NRG1: variants seen among roughly 807,000 people sequenced by gnomAD.
NRG1 encodes neuregulin 1.
Under a neutral mutation model 63.8 loss-of-function variants are expected in NRG1, and 18 were observed. The ratio of observed to expected loss-of-function variants is 0.28; its 90% confidence interval spans 0.19 to 0.42. The LOEUF (loss-of-function observed/expected upper bound fraction) is 0.42. NRG1 is among the 10% of genes least tolerant of loss of function. NRG1 has a pLI of 1.00. For missense variants in NRG1, 762 were observed against 814.7 expected, an observed-to-expected ratio of 0.94 and a Z score of 0.79; for synonymous variants, 302 against 301.3, an observed-to-expected ratio of 1.00 and a Z score of -0.02.
chr8:32,034,761 G>T (rs542035977), intron 1 of NRG1, among the ~76,000 whole-genome samples: 1 of 152,152 alleles, frequency 6.6e-6, no homozygotes, highest in African/African-American at 2.4e-5. Context: ...ATCCTCTGAT[G>T]GTTGTTTGTA....
intron 1 of NRG1, among the ~76,000 whole-genome samples, chr8:32,510,953 T>TC (rs1284748149): frequency 7.5e-6 from 1 of 133,498 alleles, no homozygotes; most frequent in African/African-American, 2.6e-5. Context: ...TTTCTTTCTT[T>TC]CCTTTTTTTT....
chr8:32,622,889 T>C (rs1021790951), intron 5 of NRG1, among the ~76,000 whole-genome samples: 8 of 152,204 alleles, frequency 5.3e-5, no homozygotes, highest in African/African-American at 1.9e-4. Flanking sequence ...AGTCTCTACA[T>C]CTTACTTCAA....
At chr8:32,733,383 A>C (rs1329668202) in intron 6 of NRG1, among the ~76,000 whole-genome samples, 1 of 152,214 alleles carries the variant, frequency 6.6e-6, no homozygotes, top group African/African-American at 2.4e-5. Flanking sequence ...AGGTATGAAA[A>C]ACATAACTAT....
chr8:32,429,749 T>C (rs1352770505), intron 1 of NRG1, among the ~76,000 whole-genome samples: 1 of 152,204 alleles, frequency 6.6e-6, no homozygotes, highest in Non-Finnish European at 1.5e-5. Flanking sequence ...CTGGACATCC[T>C]ACATCTGTTA....
chr8:32,321,630 G>A (rs566152883), intron 1 of NRG1, among the ~76,000 whole-genome samples: 2 of 151,500 alleles, frequency 1.3e-5, no homozygotes, highest in Non-Finnish European at 2.9e-5. Flanking sequence ...GAAACCAATA[G>A]CTTCACTAGT....
chr8:31,982,865 T>C (rs1245206305), intron 1 of NRG1, among the ~76,000 whole-genome samples: 1 of 152,118 alleles, frequency 6.6e-6, no homozygotes, highest in African/African-American at 2.4e-5. Flanking sequence ...AATAACAACA[T>C]GCTTATTTTG....
At chr8:32,019,503 A>T (rs1198783112) in intron 1 of NRG1, among the ~76,000 whole-genome samples, 1 of 152,208 alleles carries the variant, frequency 6.6e-6, no homozygotes, top group Non-Finnish European at 1.5e-5. Context: ...TCACTTTATT[A>T]ATAATGTCTT....
At chr8:32,472,589 G>A (rs1256426496) in intron 1 of NRG1, among the ~76,000 whole-genome samples, 1 of 152,216 alleles carries the variant, frequency 6.6e-6, no homozygotes, top group Non-Finnish European at 1.5e-5. Context: ...ACACCAGAAT[G>A]GTTGGAAGAC....
intron 1 of NRG1, among the ~76,000 whole-genome samples, chr8:31,778,830 C>A (rs920662552): frequency 6.6e-6 from 1 of 152,172 alleles, no homozygotes; most frequent in African/African-American, 2.4e-5. Flanking sequence ...TAAAACAGTG[C>A]ATGTGCAGGA....
At chr8:32,369,080 G>A (rs75912572) in intron 1 of NRG1, among the ~76,000 whole-genome samples, 3,619 of 152,306 alleles carry the variant, frequency 0.024, 58 homozygotes, top group Middle Eastern at 0.078. Flanking sequence ...GAAACCGTCA[G>A]GGTTGACAGA....
chr8:32,238,148 C>A (rs888155629), intron 1 of NRG1, among the ~76,000 whole-genome samples: 1 of 152,012 alleles, frequency 6.6e-6, no homozygotes, highest in Non-Finnish European at 1.5e-5. Flanking sequence ...ATAATCTGTG[C>A]TTGCTCAAAA....
chr8:32,702,568 C>T (rs752595720), intron 5 of NRG1, among the ~76,000 whole-genome samples: 60 of 152,208 alleles, frequency 3.9e-4, no homozygotes, highest in Non-Finnish European at 7.8e-4. Flanking sequence ...CTAACTACCA[C>T]CTCCTCCTCC....
intron 5 of NRG1, among the ~76,000 whole-genome samples, chr8:32,691,324 G>T (rs1234109160): frequency 6.6e-6 from 1 of 152,168 alleles, no homozygotes; most frequent in Non-Finnish European, 1.5e-5. Flanking sequence ...CTGCACTCCA[G>T]CCTGGGCAAC....
At chr8:32,548,788 G>C (rs774960072) in exon 1 of NRG1, 5 of 1,586,316 alleles carry the variant, frequency 3.2e-6, no homozygotes, top group Non-Finnish European at 4.3e-6. Flanking sequence ...CGAGGCTCCG[G>C]CAAGAAGCCG....
At chr8:32,609,084 A>G (rs1378144399) in intron 3 of NRG1, among the ~76,000 whole-genome samples, 1 of 152,108 alleles carries the variant, frequency 6.6e-6, no homozygotes, top group African/African-American at 2.4e-5. Context: ...TCCTCTCTTC[A>G]AAGTCTGGGG....
chr8:32,470,183 C>CTT (rs33936895), intron 1 of NRG1, among the ~76,000 whole-genome samples: 14,260 of 124,628 alleles, frequency 0.11, 1,064 homozygotes, highest in Admixed American at 0.23. Flanking sequence ...GAAAAGGACT[C>CTT]TTTTTTTTTT....
At chr8:32,749,190 T>C (rs1296512921) in intron 7 of NRG1, 1 of 184,846 alleles carries the variant, frequency 5.4e-6, no homozygotes. Flanking sequence ...TTCTGCCTTT[T>C]AAAAAAAGGA....
chr8:32,021,259 T>C (rs1454288677), intron 1 of NRG1, among the ~76,000 whole-genome samples: 7 of 151,590 alleles, frequency 4.6e-5, no homozygotes, highest in African/African-American at 1.7e-4. Flanking sequence ...TTCTGCAGGC[T>C]GAGAAGTTCA....
At chr8:32,259,410 C>T (rs1444315884) in intron 1 of NRG1, among the ~76,000 whole-genome samples, 2 of 152,132 alleles carry the variant, frequency 1.3e-5, no homozygotes, top group Non-Finnish European at 2.9e-5. Context: ...ATTTCACCCC[C>T]GTCCACTCCA....
Sources: allele counts gnomAD v4.1 joint callset (sites outside exome capture counted in the v4.1 genomes callset), GRCh38; gene constraint gnomAD v4.1.1; transcripts MANE v1.5; gene names NCBI Gene and HGNC (gene_info 2026-07-23, HGNC 2026-07-21).